Variants in RAB2A observed in about 807,000 individuals in gnomAD.
The protein encoded by RAB2A is RAB2A, member RAS oncogene family, also known as ras-related protein Rab-2A.
A neutral mutation model predicts 32.5 loss-of-function variants in RAB2A; 7 were observed. The ratio of observed to expected loss-of-function variants is 0.22; its 90% CI spans 0.12 to 0.40. The LOEUF (loss-of-function observed/expected upper bound fraction) is 0.40. Among genes scored for constraint, RAB2A ranks in the 10% least tolerant of loss-of-function variants. The pLI is 1.00. For synonymous variants in RAB2A, 79 were observed against 85.2 expected, an observed-to-expected ratio of 0.93 and a Z score of 0.40; for missense variants, 108 against 260.7, an observed-to-expected ratio of 0.41 and a Z score of 4.03.
At chr8:60,530,239 C>CAGTGA in intron 1 of RAB2A, among the ~76,000 whole-genome samples, 1 of 151,390 alleles carries the variant, frequency 6.6e-6, no homozygotes, top group East Asian at 2.0e-4. Flanking sequence ...ACCTCTGCCT[C>CAGTGA]CTGGTTTCAA....
At chr8:60,517,357 C>T (rs1014031213) in intron 1 of RAB2A, 104 bp downstream of exon 1, 2 of 1,101,114 alleles carry the variant, frequency 1.8e-6, no homozygotes, top group Admixed American at 4.1e-5. Context: ...CCACCCGGCG[C>T]CTCCCTCCTG....
chr8:60,566,911 C>T (rs559176146), intron 2 of RAB2A, among the ~76,000 whole-genome samples: 2 of 152,284 alleles, frequency 1.3e-5, no homozygotes, highest in Non-Finnish European at 2.9e-5. Context: ...TCAGCTCCAT[C>T]CCTGCTGCTG....
At chr8:60,558,721 G>A (rs760648217) in intron 1 of RAB2A, 131 bp from the exon 2 acceptor site, 91 of 753,802 alleles carry the variant, frequency 1.2e-4, no homozygotes, top group Non-Finnish European at 1.9e-4. Flanking sequence ...AGAAATTAGA[G>A]TACTGAGGAA....
chr8:60,555,383 A>G (rs1005680487), intron 1 of RAB2A, among the ~76,000 whole-genome samples: 16 of 152,288 alleles, frequency 1.1e-4, no homozygotes, highest in Middle Eastern at 3.4e-3. Flanking sequence ...GACAAATGGG[A>G]TTATATCAAA....
At chr8:60,578,544 G>GA (rs1182578616) in intron 3 of RAB2A, among the ~76,000 whole-genome samples, 2 of 149,160 alleles carry the variant, frequency 1.3e-5, no homozygotes, top group Admixed American at 6.6e-5. Context: ...GATATCAGTA[G>GA]AAAAAAATGG....
At chr8:60,549,193 C>T (rs1165734315) in intron 1 of RAB2A, among the ~76,000 whole-genome samples, 14 of 150,710 alleles carry the variant, frequency 9.3e-5, no homozygotes, top group Admixed American at 2.0e-4. Flanking sequence ...ACATCCCAGA[C>T]GATGGGCGGC....
chr8:60,523,307 G>A (rs1308113052), intron 1 of RAB2A, among the ~76,000 whole-genome samples: 4 of 150,818 alleles, frequency 2.7e-5, no homozygotes, highest in Non-Finnish European at 5.9e-5. Context: ...ACAGGCGCCC[G>A]CCACCACGCC....
chr8:60,620,856 T>C lies in RAB2A; in HGVS notation c.*87T>C. 2.7e-6 allele frequency: 3 copies of C among 1,098,072 alleles called. 1 individual carries two copies. The highest frequency in any genetic ancestry group is 3.9e-6 in the Non-Finnish European group (3 of 772,590). The allele number at this position is 1,098,072 out of a possible 1,614,324, so 68.0% of individuals were successfully genotyped here. A position where few individuals can be genotyped will look rare whatever the true frequency, so the allele number is the denominator to read the frequency against. ...CTCCTGCTCAGCTGAGACATGAAACTATTTGAAATGGCTTTATGTCACAGA... is the reference window on the plus strand; with the variant it reads ...CTCCTGCTCAGCTGAGACATGAAACCATTTGAAATGGCTTTATGTCACAGA... On this transcript the variant is annotated 3_prime_UTR_variant, in exon 8 of 8. Transcript: ENST00000262646.
At chr8:60,551,043 A>C (rs1464002989) in intron 1 of RAB2A, among the ~76,000 whole-genome samples, 2 of 152,138 alleles carry the variant, frequency 1.3e-5, no homozygotes, top group South Asian at 4.1e-4. Flanking sequence ...ACCTCCTTTA[A>C]ACCTTCATTT....
At chr8:60,518,056 T>C (rs1807237834) in intron 1 of RAB2A, among the ~76,000 whole-genome samples, 1 of 152,184 alleles carries the variant, frequency 6.6e-6, no homozygotes, top group South Asian at 2.1e-4. Context: ...TCACAACTGC[T>C]AATTTTCAGG....
chr8:60,594,449 A>C (rs1803990252), intron 6 of RAB2A, among the ~76,000 whole-genome samples: 1 of 152,186 alleles, frequency 6.6e-6, no homozygotes, highest in Non-Finnish European at 1.5e-5. Flanking sequence ...GAAACCATGG[A>C]GGACAGAGAA....
intron 1 of RAB2A, among the ~76,000 whole-genome samples, chr8:60,547,749 A>G: frequency 1.0e-5 from 1 of 99,416 alleles, no homozygotes; most frequent in African/African-American, 4.3e-5. Flanking sequence ...GGCCAGGCAG[A>G]GTGGCTCCTC....
intron 1 of RAB2A, among the ~76,000 whole-genome samples, chr8:60,545,095 A>C (rs1367847288): frequency 6.6e-6 from 1 of 152,180 alleles, no homozygotes; most frequent in South Asian, 2.1e-4. Context: ...GGTTGTAAAA[A>C]TAGAATCATC....
At chr8:60,609,440 C>T (rs534900398) in intron 6 of RAB2A, among the ~76,000 whole-genome samples, 6 of 152,240 alleles carry the variant, frequency 3.9e-5, no homozygotes, top group African/African-American at 1.4e-4. Flanking sequence ...TTTGTCATGT[C>T]GGCCCACCAA....
intron 1 of RAB2A, among the ~76,000 whole-genome samples, chr8:60,543,425 A>G (rs149826254): frequency 5.7e-4 from 62 of 109,444 alleles, no homozygotes; most frequent in South Asian, 4.9e-3. Flanking sequence ...ACTTAACTGT[A>G]CTCTCTATCC....
intron 6 of RAB2A, among the ~76,000 whole-genome samples, chr8:60,611,394 A>G (rs1171059204): frequency 6.6e-6 from 1 of 152,180 alleles, no homozygotes; most frequent in African/African-American, 2.4e-5. Context: ...TTTTCCTAAT[A>G]TATGAGTGGG....
chr8:60,591,830 A>G lies in RAB2A; in HGVS notation c.363-28A>G, dbSNP rs774941255. The G allele has an allele frequency of 7.1e-6, 10 of 1,403,980 alleles. No homozygotes were observed. The South Asian group carries it at 1.2e-4, about 16-fold the overall frequency. The allele number at this position is 1,403,980 out of a possible 1,614,324, so 87.0% of individuals were successfully genotyped here. ...TTCTGTTTGTACCATGTTGATTAGTAATGTGACCCTTTCTTTCCCATGTTT... is the reference window on the plus strand; with the variant it reads ...TTCTGTTTGTACCATGTTGATTAGTGATGTGACCCTTTCTTTCCCATGTTT... On this transcript the variant is annotated intron_variant, in intron 5 of 7. Transcript: ENST00000262646.
chr8:60,548,808 G>A (rs1444474043), intron 1 of RAB2A, among the ~76,000 whole-genome samples: 10 of 148,408 alleles, frequency 6.7e-5, no homozygotes, highest in African/African-American at 1.5e-4. Flanking sequence ...GCGGCTGGCC[G>A]GGCGGGGGGC....
intron 5 of RAB2A, among the ~76,000 whole-genome samples, chr8:60,590,543 T>A (rs916217992): frequency 1.4e-5 from 2 of 146,300 alleles, no homozygotes; most frequent in Non-Finnish European, 3.0e-5. Context: ...ATATATATAT[T>A]TTATATATAT....
Sources: gnomAD v4.1 joint callset for allele counts (sites outside exome capture counted in the v4.1 genomes callset) on GRCh38, gnomAD v4.1.1 for gene constraint, MANE v1.5 for transcripts, NCBI Gene and HGNC (gene_info 2026-07-23, HGNC 2026-07-21) for gene names.